Variants in GATAD2A observed in about 807,000 individuals in gnomAD.
GATAD2A encodes the protein transcriptional repressor p66-alpha.
A neutral mutation model predicts 68.5 loss-of-function variants in GATAD2A; 12 were observed. That is an observed-to-expected ratio of 0.18 (90% CI 0.11 to 0.28). The LOEUF is 0.28. Among genes scored for constraint, GATAD2A ranks in the 10% least tolerant of loss-of-function variants. The probability of loss-of-function intolerance (pLI) is 1.00; values close to 1 mark genes in which losing one functional copy is unlikely to be tolerated. For synonymous variants in GATAD2A, 410 were observed against 375.3 expected (o/e 1.09, Z -1.07); for missense variants, 755 against 868.5 (o/e 0.87, Z 1.64).
chr19:19,425,143 A>T (rs1485294148), intron 1 of GATAD2A, among the ~76,000 whole-genome samples: 1 of 152,146 alleles, frequency 6.6e-6, no homozygotes, highest in South Asian at 2.1e-4. Context: ...CTTGGCATTA[A>T]GTGAACAAAA....
chr19:19,471,992 C>A (rs1035162077), intron 2 of GATAD2A, among the ~76,000 whole-genome samples: 8 of 152,334 alleles, frequency 5.3e-5, no homozygotes, highest in Middle Eastern at 3.4e-3. Context: ...AACACCTCGG[C>A]TCAAGCCACT....
intron 1 of GATAD2A, among the ~76,000 whole-genome samples, chr19:19,413,130 T>C (rs2051162797): frequency 6.6e-6 from 1 of 152,224 alleles, no homozygotes; most frequent in African/African-American, 2.4e-5. Flanking sequence ...ATCTGTCTTC[T>C]TGTTGCTGGG....
intron 2 of GATAD2A, chr19:19,474,130 A>C: frequency 1.0e-6 from 1 of 985,354 alleles, no homozygotes; most frequent in Non-Finnish European, 1.2e-6. Context: ...TGTGCATCAC[A>C]TAATTTTTGC....
intron 1 of GATAD2A, among the ~76,000 whole-genome samples, chr19:19,428,983 GAT>G (rs2053414279): frequency 6.6e-6 from 1 of 151,308 alleles, no homozygotes; most frequent in Non-Finnish European, 1.5e-5. Context: ...TCCTGGCACT[GAT>G]TAACTATTTT....
chr19:19,416,596 C>T (rs539113986), intron 1 of GATAD2A, among the ~76,000 whole-genome samples: 9 of 152,298 alleles, frequency 5.9e-5, no homozygotes, highest in Admixed American at 2.6e-4. Flanking sequence ...GAATCTTACA[C>T]TCACCTTCTA....
intron 1 of GATAD2A, among the ~76,000 whole-genome samples, chr19:19,387,103 T>C (rs1329479350): frequency 1.3e-5 from 2 of 152,076 alleles, no homozygotes; most frequent in African/African-American, 4.8e-5. Flanking sequence ...TCTAAGACCC[T>C]ATCCTCACTC....
At chr19:19,495,939 C>G (rs536010506) in intron 6 of GATAD2A, 54 bp downstream of exon 6, 2 of 1,595,464 alleles carry the variant, frequency 1.3e-6, no homozygotes, top group African/African-American at 1.3e-5. Flanking sequence ...AGTCGTCTAC[C>G]TTGAAAGTAG....
intron 1 of GATAD2A, among the ~76,000 whole-genome samples, chr19:19,415,865 C>T (rs1423227862): frequency 6.6e-6 from 1 of 151,822 alleles, no homozygotes; most frequent in African/African-American, 2.4e-5. Flanking sequence ...ATCCACCCAC[C>T]TTGGCCTCCC....
intron 1 of GATAD2A, chr19:19,436,350 C>A: frequency 2.2e-6 from 1 of 453,550 alleles, no homozygotes; most frequent in South Asian, 1.7e-5. Context: ...GGAGGCAGGC[C>A]CCCTGGGATC....
At chr19:19,501,543 T>C in intron 9 of GATAD2A, 127 bp downstream of exon 9, 2 of 775,468 alleles carry the variant, frequency 2.6e-6, no homozygotes, top group Non-Finnish European at 4.0e-6. Flanking sequence ...ATGGTGGTGT[T>C]GGGCGGCAAA....
chr19:19,430,976 GGTGTGTGTGTGTGTGTGTGTGTGTGT>G (rs71170687), intron 1 of GATAD2A, among the ~76,000 whole-genome samples: 1 of 136,694 alleles, frequency 7.3e-6, no homozygotes, highest in Non-Finnish European at 1.6e-5. Flanking sequence ...GTATGGTAGG[GGTGTGTGTGTGTGTGTGTGTGTGTGT>G]GTGTGTGTGT....
At chr19:19,464,891 C>G (rs186398359) in intron 1 of GATAD2A, 16 of 235,666 alleles carry the variant, frequency 6.8e-5, no homozygotes, top group African/African-American at 3.1e-4. Flanking sequence ...GTCCCAGGCC[C>G]CGACCCTGCT....
At chr19:19,499,800 C>CCCGGCCACAGGATGGTA (rs751464386) in intron 8 of GATAD2A, among the ~76,000 whole-genome samples, 277 of 152,316 alleles carry the variant, frequency 1.8e-3, no homozygotes, top group Non-Finnish European at 2.6e-3. Context: ...TCTCGTAACT[C>CCCGGCCACAGGATGGTA]CCGGCCACAG....
intron 1 of GATAD2A, among the ~76,000 whole-genome samples, chr19:19,428,557 C>A (rs142364791): frequency 0.022 from 3,406 of 152,172 alleles, 120 homozygotes; most frequent in African/African-American, 0.077. Flanking sequence ...GCCAGGTGAG[C>A]CAGGCTGGGC....
At chr19:19,399,700 G>C (rs1178992889) in intron 1 of GATAD2A, among the ~76,000 whole-genome samples, 2 of 152,148 alleles carry the variant, frequency 1.3e-5, no homozygotes, top group African/African-American at 4.8e-5. Flanking sequence ...GAACAAACTA[G>C]AAGGGCACTC....
At chr19:19,416,179 A>G (rs551929856) in intron 1 of GATAD2A, among the ~76,000 whole-genome samples, 10 of 152,298 alleles carry the variant, frequency 6.6e-5, no homozygotes, top group African/African-American at 2.4e-4. Flanking sequence ...CCATTTAAAG[A>G]TACAAAAAAG....
intron 1 of GATAD2A, among the ~76,000 whole-genome samples, chr19:19,391,371 A>C (rs963508923): frequency 1.3e-5 from 2 of 152,196 alleles, no homozygotes; most frequent in African/African-American, 4.8e-5. Flanking sequence ...ACACATATAT[A>C]GACACACACT....
At chr19:19,418,679 G>T (rs2051951311) in intron 1 of GATAD2A, among the ~76,000 whole-genome samples, 2 of 152,170 alleles carry the variant, frequency 1.3e-5, no homozygotes, top group African/African-American at 4.8e-5. Flanking sequence ...ACAACCACAT[G>T]AATTATTCTA....
At chr19:19,482,147 G>A (rs1413780247) in intron 2 of GATAD2A, among the ~76,000 whole-genome samples, 1 of 151,458 alleles carries the variant, frequency 6.6e-6, no homozygotes, top group Non-Finnish European at 1.5e-5. Flanking sequence ...GCTCATGCCT[G>A]TATCTCAGCA....
Sources: gnomAD v4.1 joint callset for allele counts (sites outside exome capture counted in the v4.1 genomes callset) on GRCh38, gnomAD v4.1.1 for gene constraint, MANE v1.5 for transcripts, NCBI Gene and HGNC (gene_info 2026-07-23, HGNC 2026-07-21) for gene names.